The following MARCHF1 variants were observed in gnomAD, a reference collection of about 807,000 sequenced individuals.
MARCHF1 encodes the protein E3 ubiquitin-protein ligase MARCHF1.
In MARCHF1, 40 loss-of-function variants were observed where a neutral mutation model predicts 54.2. That is an observed-to-expected ratio of 0.74 (90% CI 0.57 to 0.96). The LOEUF (loss-of-function observed/expected upper bound fraction) is 0.96, where lower values mean the gene tolerates loss of function less well. Among genes scored for constraint, MARCHF1 ranks in the 40% least tolerant of loss-of-function variants. The pLI, the probability that MARCHF1 is intolerant of heterozygous loss-of-function variation, is 0.00. For missense variants in MARCHF1, 586 were observed against 656.5 expected, an observed-to-expected ratio of 0.89 and a Z score of 1.17; for synonymous variants, 236 against 236.3, an observed-to-expected ratio of 1.00 and a Z score of 0.01.
At chr4:164,258,143 C>T (rs764352690) in intron 1 of MARCHF1, among the ~76,000 whole-genome samples, 7 of 151,882 alleles carry the variant, frequency 4.6e-5, no homozygotes, top group African/African-American at 9.7e-5. Flanking sequence ...TCAGCAAACA[C>T]GGGAACAGAA....
intron 1 of MARCHF1, among the ~76,000 whole-genome samples, chr4:164,376,865 T>A (rs1731208421): frequency 3.3e-5 from 5 of 152,214 alleles, no homozygotes; most frequent in Admixed American, 3.3e-4. Context: ...CAGAAACAGA[T>A]GTGAGATTGA....
chr4:163,953,691 A>G (rs1165020352), intron 3 of MARCHF1, among the ~76,000 whole-genome samples: 6 of 152,148 alleles, frequency 3.9e-5, no homozygotes. Context: ...TCCATCCTAC[A>G]TATTTTGCAT....
At chr4:163,865,021 G>A (rs1056918946) in intron 3 of MARCHF1, among the ~76,000 whole-genome samples, 5 of 151,812 alleles carry the variant, frequency 3.3e-5, no homozygotes, top group Non-Finnish European at 7.4e-5. Flanking sequence ...CTCACCTCTG[G>A]ACTTAAAATA....
intron 3 of MARCHF1, among the ~76,000 whole-genome samples, chr4:163,872,324 A>G (rs1431919274): frequency 6.6e-6 from 1 of 152,004 alleles, no homozygotes; most frequent in Admixed American, 6.6e-5. Context: ...AGAACACTTA[A>G]TTTTTTCATT....
chr4:163,962,920 G>A (rs755198363), intron 3 of MARCHF1, among the ~76,000 whole-genome samples: 8 of 151,678 alleles, frequency 5.3e-5, no homozygotes, highest in South Asian at 2.1e-4. Context: ...ATCCCATAAC[G>A]TAAGTACTCT....
At chr4:164,100,811 C>G (rs565129747) in intron 2 of MARCHF1, among the ~76,000 whole-genome samples, 13 of 152,206 alleles carry the variant, frequency 8.5e-5, no homozygotes, top group Admixed American at 2.6e-4. Flanking sequence ...GCTTGAGCTA[C>G]GCAGAAGACA....
At chr4:164,293,615 T>C (rs1246324003) in intron 1 of MARCHF1, among the ~76,000 whole-genome samples, 1 of 152,264 alleles carries the variant, frequency 6.6e-6, no homozygotes, top group African/African-American at 2.4e-5. Flanking sequence ...AGAAAGTCTG[T>C]ACTAACAAGT....
intron 3 of MARCHF1, among the ~76,000 whole-genome samples, chr4:163,902,936 C>G (rs114298753): frequency 2.1e-4 from 32 of 152,228 alleles, no homozygotes; most frequent in African/African-American, 7.7e-4. Context: ...GCCCCTTTCC[C>G]TTCGAGAGGC....
chr4:163,592,233 T>G (rs2110851184), intron 7 of MARCHF1, among the ~76,000 whole-genome samples: 1 of 152,324 alleles, frequency 6.6e-6, no homozygotes, highest in East Asian at 1.9e-4. Flanking sequence ...TACTCTTTTT[T>G]ACATGTGCAG....
intron 5 of MARCHF1, among the ~76,000 whole-genome samples, chr4:163,627,501 T>C (rs1741913079): frequency 6.6e-6 from 1 of 152,192 alleles, no homozygotes; most frequent in Non-Finnish European, 1.5e-5. Context: ...AGTGAGTAAG[T>C]AATTTTATCA....
At chr4:163,783,414 G>A (rs1258805872) in intron 4 of MARCHF1, among the ~76,000 whole-genome samples, 2 of 152,130 alleles carry the variant, frequency 1.3e-5, no homozygotes, top group Non-Finnish European at 2.9e-5. Flanking sequence ...GCTGTAGGCC[G>A]AGTTTAGGTA....
intron 2 of MARCHF1, among the ~76,000 whole-genome samples, chr4:164,007,886 G>C (rs979143113): frequency 6.6e-6 from 1 of 152,008 alleles, no homozygotes; most frequent in Admixed American, 6.6e-5. Flanking sequence ...TATCCATAAA[G>C]GAAGAGAGTA....
intron 1 of MARCHF1, among the ~76,000 whole-genome samples, chr4:164,147,854 C>A (rs970673418): frequency 6.8e-5 from 9 of 133,044 alleles, no homozygotes; most frequent in African/African-American, 2.1e-4. Flanking sequence ...AAATAAATTC[C>A]ATTTCTCTTA....
chr4:163,623,398 G>T (rs766791012), intron 5 of MARCHF1, among the ~76,000 whole-genome samples: 1 of 152,204 alleles, frequency 6.6e-6, no homozygotes, highest in African/African-American at 2.4e-5. Flanking sequence ...ATCAGCTGTA[G>T]CACTGGTGAA....
intron 1 of MARCHF1, among the ~76,000 whole-genome samples, chr4:164,356,856 T>G (rs1312987082): frequency 7.0e-6 from 1 of 143,226 alleles, no homozygotes; most frequent in Non-Finnish European, 1.5e-5. Flanking sequence ...ATCAGAAAAA[T>G]ATTAGTGGTT....
intron 4 of MARCHF1, among the ~76,000 whole-genome samples, chr4:163,780,326 G>T (rs1747427871): frequency 1.3e-5 from 2 of 152,172 alleles, no homozygotes; most frequent in Admixed American, 1.3e-4. Flanking sequence ...ATCACTCTTT[G>T]CCAGGACAGG....
At chr4:164,159,757 T>G (rs1031773107) in intron 1 of MARCHF1, among the ~76,000 whole-genome samples, 1 of 152,150 alleles carries the variant, frequency 6.6e-6, no homozygotes, top group African/African-American at 2.4e-5. Context: ...ATGGAAAGAA[T>G]GTAAGCTAGC....
At chr4:163,605,546 C>A (rs1399779784) in intron 7 of MARCHF1, among the ~76,000 whole-genome samples, 2 of 152,116 alleles carry the variant, frequency 1.3e-5, no homozygotes, top group Non-Finnish European at 2.9e-5. Flanking sequence ...CCCAGCAATC[C>A]CATTACTGGG....
At chr4:163,658,295 T>G (rs537032076) in intron 5 of MARCHF1, among the ~76,000 whole-genome samples, 2 of 151,634 alleles carry the variant, frequency 1.3e-5, no homozygotes, top group Non-Finnish European at 2.9e-5. Context: ...CCAATAAACG[T>G]GAAAAAAAGC....
Sources: gnomAD v4.1 joint callset for allele counts (sites outside exome capture counted in the v4.1 genomes callset) on GRCh38, gnomAD v4.1.1 for gene constraint, MANE v1.5 for transcripts, NCBI Gene and HGNC (gene_info 2026-07-23, HGNC 2026-07-21) for gene names.